Variants in PEX7 observed in about 807,000 individuals in gnomAD.
PEX7 encodes the protein PTS2 receptor.
Under a neutral mutation model 47.5 loss-of-function variants are expected in PEX7, and 34 were observed. The ratio of observed to expected loss-of-function variants is 0.72; its 90% CI spans 0.54 to 0.95. The LOEUF (loss-of-function observed/expected upper bound fraction) is 0.95. PEX7 is among the 40% of genes least tolerant of loss of function. The pLI is 0.00. For synonymous variants in PEX7, 141 were observed against 148.8 expected (o/e 0.95, Z 0.38); for missense variants, 394 against 400.3 (o/e 0.98, Z 0.13).
intron 8 of PEX7, among the ~76,000 whole-genome samples, chr6:136,880,032 GT>G (rs1328117508): frequency 6.6e-6 from 1 of 151,264 alleles, no homozygotes; most frequent in Non-Finnish European, 1.5e-5. Context: ...CTGATCAAGG[GT>G]TTTGTTGGTT....
chr6:136,906,463 T>C (rs542691861), intron 9 of PEX7, among the ~76,000 whole-genome samples: 1 of 152,118 alleles, frequency 6.6e-6, no homozygotes, highest in Non-Finnish European at 1.5e-5. Context: ...AAAAATTACT[T>C]TTACAAGGCA....
At chr6:136,903,073 A>G (rs768526513) in intron 9 of PEX7, among the ~76,000 whole-genome samples, 28 of 152,136 alleles carry the variant, frequency 1.8e-4, no homozygotes, top group Non-Finnish European at 3.5e-4. Flanking sequence ...CTGTTTTACC[A>G]TATTATTATG....
intron 3 of PEX7, among the ~76,000 whole-genome samples, chr6:136,841,549 A>G (rs577443529): frequency 9.9e-5 from 15 of 152,178 alleles, no homozygotes; most frequent in African/African-American, 3.4e-4. Flanking sequence ...TTTCCATCCA[A>G]GCACCCCTTT....
At chr6:136,827,408 G>A (rs866244070) in intron 3 of PEX7, among the ~76,000 whole-genome samples, 1 of 152,138 alleles carries the variant, frequency 6.6e-6, no homozygotes, top group Non-Finnish European at 1.5e-5. Flanking sequence ...GACAATTTTG[G>A]TAAAGGAGAA....
At chr6:136,909,652 G>T (rs1042700415) in intron 9 of PEX7, among the ~76,000 whole-genome samples, 1 of 151,480 alleles carries the variant, frequency 6.6e-6, no homozygotes, top group Admixed American at 6.6e-5. Flanking sequence ...AACCAGATAG[G>T]GCTTAATTAA....
intron 8 of PEX7, among the ~76,000 whole-genome samples, chr6:136,879,929 T>C (rs1775348062): frequency 6.6e-6 from 1 of 152,134 alleles, no homozygotes; most frequent in Non-Finnish European, 1.5e-5. Flanking sequence ...ATTTGTGAAA[T>C]GATTTTGCCT....
chr6:136,827,243 G>T (rs1582733417), intron 3 of PEX7, among the ~76,000 whole-genome samples: 1 of 152,114 alleles, frequency 6.6e-6, no homozygotes, highest in African/African-American at 2.4e-5. Context: ...TATGTGAGGG[G>T]TCCAGATGTT....
At chr6:136,898,009 G>C (rs1775682000) in intron 8 of PEX7, 133 bp from the exon 9 acceptor site, 1 of 643,842 alleles carries the variant, frequency 1.6e-6, no homozygotes, top group African/African-American at 1.8e-5. Flanking sequence ...GCTTAATAGT[G>C]GGGTTCTGTA....
chr6:136,895,724 G>A (rs1036785575), intron 8 of PEX7, among the ~76,000 whole-genome samples: 6 of 152,204 alleles, frequency 3.9e-5, no homozygotes, highest in Non-Finnish European at 8.8e-5. Flanking sequence ...GCACCATAAT[G>A]TATACACTTG....
At chr6:136,896,646 A>G (rs1203078992) in intron 8 of PEX7, among the ~76,000 whole-genome samples, 3 of 152,148 alleles carry the variant, frequency 2.0e-5, no homozygotes, top group Non-Finnish European at 2.9e-5. Context: ...GAATGTACCA[A>G]TCTCATTGCA....
intron 5 of PEX7, among the ~76,000 whole-genome samples, chr6:136,864,480 C>A (rs183630235): frequency 2.0e-5 from 3 of 152,222 alleles, no homozygotes; most frequent in East Asian, 3.9e-4. Context: ...CAGTGGCCAC[C>A]AAATGATTGA....
chr6:136,848,389 A>G (rs934789566), intron 5 of PEX7, among the ~76,000 whole-genome samples: 1 of 152,110 alleles, frequency 6.6e-6, no homozygotes, highest in African/African-American at 2.4e-5. Flanking sequence ...GTTGAATAGG[A>G]GTGGTGAGAG....
At chr6:136,828,628 G>C (rs148269662) in intron 3 of PEX7, among the ~76,000 whole-genome samples, 1,759 of 152,234 alleles carry the variant, frequency 0.012, 47 homozygotes, top group African/African-American at 0.04. Flanking sequence ...TGATCTGTAC[G>C]TCTTTCATCC....
intron 5 of PEX7, among the ~76,000 whole-genome samples, chr6:136,862,549 A>C (rs1166523582): frequency 3.3e-5 from 5 of 151,074 alleles, no homozygotes; most frequent in Admixed American, 2.6e-4. Context: ...CTAATTTTTA[A>C]ATTTTTTGTA....
At chr6:136,904,944 G>A (rs1023614242) in intron 9 of PEX7, among the ~76,000 whole-genome samples, 4 of 152,094 alleles carry the variant, frequency 2.6e-5, no homozygotes, top group African/African-American at 7.2e-5. Flanking sequence ...CAAACATACT[G>A]ACTAGGCACA....
chr6:136,871,140 A>G (rs923858293), intron 7 of PEX7, among the ~76,000 whole-genome samples: 1 of 152,252 alleles, frequency 6.6e-6, no homozygotes, highest in Non-Finnish European at 1.5e-5. Flanking sequence ...TGCTCTATGT[A>G]TATTTTAGAG....
intron 1 of PEX7, among the ~76,000 whole-genome samples, chr6:136,823,757 G>T (rs1342222125): frequency 6.6e-6 from 1 of 152,170 alleles, no homozygotes; most frequent in African/African-American, 2.4e-5. Context: ...GGGCGTGGTG[G>T]CGCATGCCTG....
chr6:136,844,787 A>G (rs1774565047), intron 3 of PEX7, among the ~76,000 whole-genome samples: 1 of 152,162 alleles, frequency 6.6e-6, no homozygotes. Context: ...ACATGGCTCA[A>G]TATAGTACTG....
chr6:136,831,795 C>T (rs1227665216), intron 3 of PEX7, among the ~76,000 whole-genome samples: 1 of 152,274 alleles, frequency 6.6e-6, no homozygotes, highest in African/African-American at 2.4e-5. Context: ...TCTCCTTTGA[C>T]TCCATATCTC....
Sources: allele counts gnomAD v4.1 joint callset (sites outside exome capture counted in the v4.1 genomes callset), GRCh38; gene constraint gnomAD v4.1.1; transcripts MANE v1.5; gene names NCBI Gene and HGNC (gene_info 2026-07-23, HGNC 2026-07-21).